Variants in GOLGA3 observed in about 807,000 individuals in gnomAD.
GOLGA3 encodes the protein golgin A3.
In GOLGA3, 75 loss-of-function variants were observed where a neutral mutation model predicts 169.4. The observed-to-expected ratio is 0.44, with a 90% CI of 0.37 to 0.54. The LOEUF (loss-of-function observed/expected upper bound fraction) is 0.54. GOLGA3 is among the 20% of genes least tolerant of loss of function. The pLI is 0.00. For synonymous variants in GOLGA3, 824 were observed against 822.4 expected (o/e 1.00, Z -0.03); for missense variants, 1,899 against 1,930.0 (o/e 0.98, Z 0.30).
Position 132,808,007 on chromosome 12 carries a change from G to C in GOLGA3, c.1062C>G (p.Thr354=). The C allele has an allele frequency of 6.2e-7, 1 of 1,611,838 alleles. No individual in the cohort carries two copies. Among genetic ancestry groups the C allele is most frequent in the Non-Finnish European group, 8.5e-7 (1 of 1,178,920 alleles). ...CCTTAATGGAGGGGAACTGGCCCAG[G>C]GTATCCGCAGGAATCTCCTGGCCGT... ...MVNGQEIPAD[T]LGQFPSIKDV... The change falls in exon 5 of 24, where the codon ACC becomes ACG. Residue 354 remains threonine (T), a synonymous_variant. Transcript: ENST00000450791.
rs764039820 is a variant in GOLGA3, at chr12:132,777,674, G to T, written c.3714C>A (p.Asp1238Glu). 1 of 1,613,890 alleles carries T rather than the reference G, an allele frequency of 6.2e-7. No individual in the cohort carries two copies. Among genetic ancestry groups the T allele is most frequent in the South Asian group, 1.1e-5 (1 of 91,072 alleles). The change falls in exon 19 of 24, where the codon GAC becomes GAA. Residue 1238 changes from aspartate to glutamate, a missense_variant. By Grantham distance (45) the Asp-to-Glu change is conservative (BLOSUM62 2). Coordinates refer to ENST00000450791, the MANE Select transcript of GOLGA3 (RefSeq NM_001389683.1). This position sits in a 1 kb window ranked among gnomAD's most constrained non-coding sequence, Gnocchi z 4.7. ...HLVQKLQAEADDLQIREGKHS... is the reference protein window; with the variant it reads ...HLVQKLQAEAEDLQIREGKHS... The stretch of plus-strand genomic sequence containing the variant: ...GGGGCCCAGGCACTCACTGAAGGTC[G>T]TCGGCCTCGGCCTGCAGCTTCTGCA...
At chr12:132,791,319 T>G (rs1232636988) in intron 11 of GOLGA3, 26 bp from the exon 12 acceptor site, 2 of 1,372,144 alleles carry the variant, frequency 1.5e-6, no homozygotes, top group Non-Finnish European at 2.1e-6. Context: ...GCACAGACAT[T>G]ACACTGACGG....
Position 132,816,548 on chromosome 12 carries a change from G to A in GOLGA3, c.398C>T (p.Thr133Met), listed in dbSNP as rs561773900. ...SLRLSLPMQETQLCSTDSPLP... is the reference protein window; with the variant it reads ...SLRLSLPMQEMQLCSTDSPLP... ...GGGTAACGGATGCTTACACAGTTGC[G>A]TTTCTTGCATAGGAAGACTGAGTCT... Residue 133 changes from threonine to methionine, a missense_variant, in exon 3 of 24, where the codon ACG becomes ATG. Physicochemically the swap from Thr to Met is moderately conservative, Grantham distance 81. Coordinates refer to ENST00000450791, the MANE Select transcript of GOLGA3 (RefSeq NM_001389683.1). 9.9e-6 allele frequency: 16 copies of A among 1,612,666 alleles called. No homozygotes were observed. Among genetic ancestry groups the A allele is most frequent in the African/African-American group, 1.3e-5 (1 of 75,046 alleles).
At chr12:132,773,858 C>T (rs554619143) in intron 23 of GOLGA3, among the ~76,000 whole-genome samples, 3 of 120,938 alleles carry the variant, frequency 2.5e-5, no homozygotes, top group South Asian at 6.1e-4. Context: ...TTATATAAAC[C>T]GCAGAGGCTG....
chr12:132,773,407 G>T, intron 23 of GOLGA3, 113 bp from the exon 24 acceptor site: 2 of 601,554 alleles, frequency 3.3e-6, no homozygotes, highest in Non-Finnish European at 5.5e-6. Flanking sequence ...CGCCTTCGGG[G>T]ATCCGCAAAC....
In GOLGA3 at chr12:132,782,413, G is replaced by A. The variant is rs777559689; in HGVS notation, c.3348C>T (p.His1116=). 2.0e-5 allele frequency: 33 copies of A among 1,613,864 alleles called. No homozygotes were observed. Among genetic ancestry groups the A allele is most frequent in the South Asian group, 5.5e-5 (5 of 91,082 alleles). The part of the protein sequence containing the change: ...SNKKLALELE[H]EKGKLTGLGQ... ...CGAGGCCCGTAAGCTTCCCTTTCTC[G>A]TGCTCTAATTCAAGAGCCAACTTCT... is the stretch of plus-strand genomic sequence containing the variant. The change falls in exon 17 of 24, where the codon CAC becomes CAT. Residue 1116 remains histidine, a synonymous_variant. Coordinates refer to ENST00000450791, the MANE Select transcript of GOLGA3 (RefSeq NM_001389683.1).
At chr12:132,788,017 G>A (rs1484034592) in intron 13 of GOLGA3, among the ~76,000 whole-genome samples, 4 of 152,174 alleles carry the variant, frequency 2.6e-5, no homozygotes, top group African/African-American at 7.2e-5. Context: ...TCCTGTGTGC[G>A]AGGCGAGTCC....
Position 132,787,874 on chromosome 12 carries a change from C to CG in GOLGA3, c.2812-1088dup, listed in dbSNP as rs1200707183. Among the ~76,000 whole-genome samples the CG allele has an allele frequency of 1.5e-3, 187 of 128,926 alleles. 12 individuals carry two copies. The highest frequency in any genetic ancestry group is 4.3e-3 in the African/African-American group (114 of 26,622). 84.6% of individuals were successfully genotyped at this position (128,926 alleles called of 152,430 possible). The stretch of plus-strand genomic sequence containing the variant: ...CCCCGGAGACCCCGGGACCCCTTCC[C>CG]GAGACCCCAGGACCCTTCCTGAGAC... On this transcript the variant is annotated intron_variant, in intron 13 of 23. Transcript: ENST00000450791.
Position 132,808,221 on chromosome 12 carries a change from A to G in GOLGA3, c.848T>C (p.Val283Ala). The change falls in exon 5 of 24, where the codon GTT (valine) becomes GCT (alanine). Residue 283 changes from valine (V) to alanine (A), a missense_variant. By Grantham distance (64) the Val-to-Ala change is moderately conservative. Transcript: ENST00000450791. ...LKQNRSSAASVVSEISLSPDT... is the reference protein window; with the variant it reads ...LKQNRSSAASAVSEISLSPDT... ...GGGGGACAGGCTGATCTCAGACACA[A>G]CGGACGCCGCACTGCTTCTGTTCTG... 1 of 1,613,866 alleles carries G rather than the reference A, an allele frequency of 6.2e-7. No homozygotes were observed. The highest frequency in any genetic ancestry group is 8.5e-7 in the Non-Finnish European group (1 of 1,179,900).
chr12:132,803,073 AC>A (rs55637851), intron 7 of GOLGA3, among the ~76,000 whole-genome samples: 34,601 of 115,242 alleles, frequency 0.3, 4,379 homozygotes, highest in Non-Finnish European at 0.36. Flanking sequence ...AAACAAAACA[AC>A]AACAACAACA....
rs1338680356 is a variant in GOLGA3 at position 132,769,375 on chromosome 12, G to A, written c.*3730C>T. The A allele has an allele frequency of 2.6e-5, 4 of 152,236 alleles. No homozygotes were observed. The highest frequency in any genetic ancestry group is 7.2e-5 in the African/African-American group (3 of 41,458). The allele number at this position is 152,236 out of a possible 1,614,324, so 9.4% of individuals were successfully genotyped here. A position where few individuals can be genotyped will look rare whatever the true frequency, so the allele number is the denominator to read the frequency against. On this transcript the variant is annotated 3_prime_UTR_variant, in exon 24 of 24. Transcript: ENST00000450791. ...TAAAGACCTCAGGGAACTAGAACTC[G>A]GTTGTGGGAACCCTGCACCAAGGAG... is the stretch of plus-strand genomic sequence containing the variant.
At chr12:132,815,679 T>C (rs1476307832) in intron 3 of GOLGA3, among the ~76,000 whole-genome samples, 1 of 151,746 alleles carries the variant, frequency 6.6e-6, no homozygotes, top group Non-Finnish European at 1.5e-5. Context: ...GACGATCACT[T>C]GAGCCCAGGA....
In GOLGA3 at chr12:132,790,069, T is replaced by C. The variant is rs189273590; in HGVS notation, c.2548-779A>G. Among the ~76,000 whole-genome samples the C allele has an allele frequency of 4.1e-3, 617 of 151,866 alleles. 1 individual carries two copies. The highest frequency in any genetic ancestry group is 0.01 in the Admixed American group (159 of 15,242). On this transcript the variant is annotated intron_variant, in intron 12 of 23. Coordinates refer to ENST00000450791, the MANE Select transcript of GOLGA3 (RefSeq NM_001389683.1). ...ATTACAGGCCGGGCGTGGTGGCTCATGCCTGTAATCCCAGCACTTTGGGAG... is the reference window on the plus strand; with the variant it reads ...ATTACAGGCCGGGCGTGGTGGCTCACGCCTGTAATCCCAGCACTTTGGGAG...
chr12:132,820,281 G>A (rs531056063), intron 2 of GOLGA3, among the ~76,000 whole-genome samples: 40 of 152,162 alleles, frequency 2.6e-4, no homozygotes, highest in Admixed American at 5.2e-4. Flanking sequence ...CATGGCTGCC[G>A]TGAGCTATGA....
chr12:132,811,749 A>C, intron 4 of GOLGA3: 1 of 281,168 alleles, frequency 3.6e-6, no homozygotes, highest in Non-Finnish European at 5.3e-6. Context: ...GGTGTGAGCC[A>C]CTGCACCCAG....
intron 23 of GOLGA3, 139 bp from the exon 24 acceptor site, chr12:132,773,433 A>C (rs929356222): frequency 4.5e-6 from 2 of 440,036 alleles, no homozygotes; most frequent in Non-Finnish European, 7.9e-6. Flanking sequence ...GAGACCACAG[A>C]AGCTCAGCTG....
chr12:132,785,520 C>A (rs749364129), intron 15 of GOLGA3, among the ~76,000 whole-genome samples: 19 of 151,954 alleles, frequency 1.3e-4, no homozygotes, highest in Non-Finnish European at 2.8e-4. Context: ...ATTATGTTGC[C>A]CAGGCTGGTC....
At chr12:132,786,279 A>G in intron 15 of GOLGA3, 60 bp downstream of exon 15, 1 of 1,163,786 alleles carries the variant, frequency 8.6e-7, no homozygotes, top group Non-Finnish European at 1.2e-6. Flanking sequence ...GCTGATGGAG[A>G]GCCCTTCCCT....
In GOLGA3 at chr12:132,789,014, G is replaced by A. The variant is rs192539742; in HGVS notation, c.2811+13C>T. The A allele has an allele frequency of 2.5e-5, 31 of 1,248,590 alleles. 1 individual carries two copies. Among genetic ancestry groups the A allele is most frequent in the South Asian group, 7.3e-5 (5 of 68,740 alleles). 77.3% of individuals were successfully genotyped at this position (1,248,590 alleles called of 1,614,324 possible). A position where few individuals can be genotyped will look rare whatever the true frequency, so the allele number is the denominator to read the frequency against. On this transcript the variant is annotated intron_variant, in intron 13 of 23. Transcript: ENST00000450791. ...TCCTCCCCATCAAATGAGTCAACCC[G>A]ACACGGACAGACCTGCAAGTGTGTT... is the stretch of plus-strand genomic sequence containing the variant.
Sources: allele counts gnomAD v4.1 joint callset (sites outside exome capture counted in the v4.1 genomes callset), GRCh38; gene constraint gnomAD v4.1.1; non-coding constraint Gnocchi (gnomAD v3.1); transcripts MANE v1.5; gene names NCBI Gene and HGNC (gene_info 2026-07-23, HGNC 2026-07-21).